PLXND1: variants seen among roughly 807,000 people sequenced by gnomAD.
PLXND1 encodes the protein plexin-D1.
A neutral mutation model predicts 197.7 loss-of-function variants in PLXND1; 54 were observed. That is an observed-to-expected ratio of 0.27 (90% CI 0.22 to 0.34). The LOEUF (loss-of-function observed/expected upper bound fraction) is 0.34. PLXND1 is among the 10% of genes least tolerant of loss of function. The pLI, the probability that PLXND1 is intolerant of heterozygous loss-of-function variation, is 1.00. For synonymous variants in PLXND1, 1,180 were observed against 1,161.2 expected (o/e 1.02, Z -0.33); for missense variants, 2,127 against 2,699.2 (o/e 0.79, Z 4.70).
intron 8 of PLXND1, among the ~76,000 whole-genome samples, chr3:129,582,023 A>T (rs1036128113): frequency 9.2e-5 from 14 of 152,218 alleles, no homozygotes; most frequent in African/African-American, 3.4e-4. Flanking sequence ...CCAACTGTGG[A>T]ATCTGGGGGT....
chr3:129,594,942 T>C (rs911561252), intron 1 of PLXND1, among the ~76,000 whole-genome samples: 9 of 151,640 alleles, frequency 5.9e-5, no homozygotes, highest in Non-Finnish European at 1.2e-4. Flanking sequence ...TCCCTAGTGC[T>C]GTCAACACAA....
At chr3:129,567,265 G>T (rs1420370935) in intron 22 of PLXND1, among the ~76,000 whole-genome samples, 1 of 152,200 alleles carries the variant, frequency 6.6e-6, no homozygotes, top group East Asian at 1.9e-4. Context: ...GCTGCAGCTG[G>T]CTTCCATATG....
At chr3:129,565,156 C>G (rs1264031973) in intron 25 of PLXND1, among the ~76,000 whole-genome samples, 184 bp downstream of exon 25, 2 of 152,256 alleles carry the variant, frequency 1.3e-5, no homozygotes, top group Non-Finnish European at 2.9e-5. Flanking sequence ...CCAGGCTTCC[C>G]CGGGGCCATG....
chr3:129,576,013 C>T (rs1027548482), intron 9 of PLXND1, among the ~76,000 whole-genome samples, 158 bp from the exon 10 acceptor site: 4 of 152,360 alleles, frequency 2.6e-5, no homozygotes, highest in African/African-American at 9.6e-5. Context: ...CCAAAATCCC[C>T]TTCCTGGCCA....
intron 13 of PLXND1, 53 bp from the exon 14 acceptor site, chr3:129,572,994 TA>T: frequency 7.6e-7 from 1 of 1,312,752 alleles, no homozygotes; most frequent in Non-Finnish European, 1.1e-6. Flanking sequence ...ACGGCCACCC[TA>T]GAGCCAGGCT....
chr3:129,565,930 C>T lies in PLXND1; in HGVS notation c.4279G>A (p.Val1427Ile), dbSNP rs1208017383. 1 of 1,614,098 alleles carries T rather than the reference C, an allele frequency of 6.2e-7. No homozygotes were observed. The highest frequency in any genetic ancestry group is 1.3e-5 in the African/African-American group (1 of 74,938). The change falls in exon 24 of 36, where the codon GTC becomes ATC. Residue 1427 changes from valine to isoleucine, a missense_variant. By Grantham distance (29) the Val-to-Ile change is conservative. This residue lies in a region of PLXND1 where 532 missense variants were observed against 811.0 expected (regional missense o/e 0.66). Transcript: ENST00000324093. Reference sequence around the variant, plus strand: ...TCCTTCTGCTGCTCCAGCGCGTGGACAAAGACGATGAGGAAGTGCTTGTTG... The same window carrying T: ...TCCTTCTGCTGCTCCAGCGCGTGGATAAAGACGATGAGGAAGTGCTTGTTG... ...LNNKHFLIVF[V>I]HALEQQKDFA...
chr3:129,600,180 C>A (rs1346750015), intron 1 of PLXND1, among the ~76,000 whole-genome samples: 1 of 152,138 alleles, frequency 6.6e-6, no homozygotes, highest in African/African-American at 2.4e-5. Context: ...GGGACAGCAC[C>A]CAACACACCC....
Position 129,555,742 on chromosome 3 carries a change from C to T in PLXND1, c.*570G>A. ...CACCCCATGGCGCGGGCACTGCCCA[C>T]TCTACCAACAGCCGCCCAAGCAACA... On this transcript the variant is annotated 3_prime_UTR_variant, in exon 36 of 36. Coordinates refer to ENST00000324093, the MANE Select transcript of PLXND1 (RefSeq NM_015103.3). 2.0e-6 allele frequency: 1 copy of T among 496,190 alleles called. No homozygotes were observed. Among genetic ancestry groups the T allele is most frequent in the Non-Finnish European group, 3.5e-6 (1 of 284,946 alleles). 30.7% of individuals were successfully genotyped at this position (496,190 alleles called of 1,614,324 possible).
chr3:129,593,146 C>T (rs1261656977), intron 1 of PLXND1, among the ~76,000 whole-genome samples: 1 of 152,178 alleles, frequency 6.6e-6, no homozygotes, highest in Non-Finnish European at 1.5e-5. Context: ...TGGTCAGACC[C>T]TCCCTACCTA....
chr3:129,584,829 T>C (rs1194808453), intron 5 of PLXND1, among the ~76,000 whole-genome samples: 1 of 152,206 alleles, frequency 6.6e-6, no homozygotes, highest in East Asian at 1.9e-4. Flanking sequence ...CCCCATCCCC[T>C]AATACTCTCC....
chr3:129,583,550 C>G lies in PLXND1; in HGVS notation c.2241+17G>C, dbSNP rs1323099937. 6.4e-7 allele frequency: 1 copy of G among 1,570,398 alleles called. No individual in the cohort carries two copies. Among genetic ancestry groups the G allele is most frequent in the Admixed American group, 1.7e-5 (1 of 58,406 alleles). On this transcript the variant is annotated intron_variant, in intron 8 of 35. Transcript: ENST00000324093. ...AATGAAACAGCAGAGGCGGAGGGGC[C>G]CCCTAGCCTGGCTTACCGTGGGGTT...
chr3:129,575,786 C>A lies in PLXND1; in HGVS notation c.2416G>T (p.Val806Leu). ...CTCACCACCACCTGGTCACAGCGTA[C>A]AACAGACTCATTCACCCACACAGCC... ...FEAVWVNESV[V>L]RCDQVVLHTT... Residue 806 changes from valine (V) to leucine (L), a missense_variant, in exon 10 of 36, where the codon GTA becomes TTA. By Grantham distance (32) the Val-to-Leu change is conservative. This residue lies in a region of PLXND1 where 1,095 missense variants were observed against 1,259.8 expected (regional missense o/e 0.87). Coordinates refer to ENST00000324093, the MANE Select transcript of PLXND1 (RefSeq NM_015103.3). The A allele has an allele frequency of 6.2e-7, 1 of 1,613,036 alleles. No homozygotes were observed. Among genetic ancestry groups the A allele is most frequent in the Non-Finnish European group, 8.5e-7 (1 of 1,179,086 alleles).
chr3:129,563,447 T>C (rs1204471001), intron 25 of PLXND1, among the ~76,000 whole-genome samples: 2 of 152,250 alleles, frequency 1.3e-5, no homozygotes, highest in Non-Finnish European at 2.9e-5. Flanking sequence ...GGTGCATTCA[T>C]TGCATCATCC....
At chr3:129,599,127 C>T (rs928328295) in intron 1 of PLXND1, among the ~76,000 whole-genome samples, 4 of 152,232 alleles carry the variant, frequency 2.6e-5, no homozygotes, top group Non-Finnish European at 5.9e-5. Flanking sequence ...CCCTCCCGCT[C>T]CTGTCCCAGT....
rs1349067155 is a variant in PLXND1 at position 129,562,941 on chromosome 3, G to A, written c.4671C>T (p.Asn1557=). ...CACAGCCCTGGAAGGACACGTTCAGGTTCTGCAGGGGGAGAGTGGGAGAGA... is the reference window on the plus strand; with the variant it reads ...CACAGCCCTGGAAGGACACGTTCAGATTCTGCAGGGGGAGAGTGGGAGAGA... ...LRENIEAKPR[N]LNVSFQGCGM... is the part of the protein sequence containing the mutation. The change falls in exon 27 of 36, where the codon AAC becomes AAT. Residue 1557 remains asparagine (N), a splice_region_variant and synonymous_variant. Transcript: ENST00000324093. 2 of 1,603,198 alleles carry A rather than the reference G, an allele frequency of 1.2e-6. No individual in the cohort carries two copies. Among genetic ancestry groups the A allele is most frequent in the East Asian group, 2.2e-5 (1 of 44,518 alleles).
Position 129,555,372 on chromosome 3 carries a change from C to T in PLXND1, c.*940G>A, listed in dbSNP as rs112382780. 5.7e-3 allele frequency: 3,489 copies of T among 612,636 alleles called. 86 individuals are homozygous for T. The African/African-American group carries it at 0.057, about 10-fold the overall frequency. 38.0% of individuals were successfully genotyped at this position (612,636 alleles called of 1,614,324 possible). On this transcript the variant is annotated 3_prime_UTR_variant, in exon 36 of 36. Coordinates refer to ENST00000324093, the MANE Select transcript of PLXND1 (RefSeq NM_015103.3). ...CACAGAGGGTCGTTTCTGGCAGGAA[C>T]GGAGTGGGTGGTAGTCTCAGGCGCC...
chr3:129,589,327 C>CCCCCCCACCCCCA, intron 2 of PLXND1, 24 bp downstream of exon 2: 1 of 1,252,238 alleles, frequency 8.0e-7, no homozygotes, highest in Non-Finnish European at 1.1e-6. Flanking sequence ...CCCACCCCCT[C>CCCCCCCACCCCCA]CCCACATCCC....
chr3:129,567,938 T>G, intron 20 of PLXND1, 133 bp from the exon 21 acceptor site: 2 of 198,466 alleles, frequency 1.0e-5, no homozygotes, highest in Admixed American at 6.2e-5. Context: ...TCCTCCCTCC[T>G]GGGCAGGGTT....
At chr3:129,561,453 T>C (rs1335467250) in intron 29 of PLXND1, among the ~76,000 whole-genome samples, 193 bp downstream of exon 29, 2 of 152,142 alleles carry the variant, frequency 1.3e-5, no homozygotes, top group Non-Finnish European at 2.9e-5. Context: ...GAAATCAGCT[T>C]GAGGAGGCCT....
Sources: gnomAD v4.1 joint callset for allele counts (sites outside exome capture counted in the v4.1 genomes callset) on GRCh38, gnomAD v4.1.1 for gene constraint, gnomAD v4.1.1 regional missense constraint, MANE v1.5 for transcripts, NCBI Gene and HGNC (gene_info 2026-07-23, HGNC 2026-07-21) for gene names.